Variants in ZNF254 observed in about 807,000 individuals in gnomAD.
ZNF254 encodes zinc finger protein 254.
ZNF254 carries 10 observed loss-of-function variants against 12.4 expected under a neutral mutation model. That is an observed-to-expected ratio of 0.80 (90% CI 0.50 to 1.36). The LOEUF (loss-of-function observed/expected upper bound fraction) is 1.36. Ranked by LOEUF, ZNF254 falls within the 40% of genes most tolerant of loss-of-function variation. The probability of loss-of-function intolerance (pLI) is 0.00; values close to 1 mark genes in which losing one functional copy is unlikely to be tolerated. For missense variants in ZNF254, 996 were observed against 763.9 expected, an observed-to-expected ratio of 1.30 and a Z score of -3.58; for synonymous variants, 305 against 253.4, an observed-to-expected ratio of 1.20 and a Z score of -1.93.
chr19:24,127,382 C>A lies in ZNF254; in HGVS notation c.1382C>A (p.Pro461His), dbSNP rs748646434. Residue 461 changes from proline (P) to histidine (H), a missense_variant, in exon 4 of 4, where the codon CCC becomes CAC. By Grantham distance (77) the Pro-to-His change is moderately conservative (BLOSUM62 -2). Coordinates refer to ENST00000357002, the MANE Select transcript of ZNF254 (RefSeq NM_203282.4). ...KHKRIHTREK[P>H]YKCEECGKAF... is the part of the protein sequence containing the mutation. ...AAGAGAATTCATACTAGAGAGAAACCCTACAAATGTGAAGAATGTGGCAAG... is the reference window on the plus strand; with the variant it reads ...AAGAGAATTCATACTAGAGAGAAACACTACAAATGTGAAGAATGTGGCAAG... 1 of 1,612,080 alleles carries A rather than the reference C, an allele frequency of 6.2e-7. No homozygotes were observed.
intron 3 of ZNF254, among the ~76,000 whole-genome samples, chr19:24,110,388 C>T (rs1973594220): frequency 6.6e-6 from 1 of 151,878 alleles, no homozygotes; most frequent in African/African-American, 2.4e-5. Flanking sequence ...TATGGAGACA[C>T]CCTCTCTACA....
At chr19:24,106,764 ATT>A in intron 3 of ZNF254, 121 bp downstream of exon 3, 1 of 853,836 alleles carries the variant, frequency 1.2e-6, no homozygotes, top group Non-Finnish European at 1.7e-6. Context: ...GGAAGCCTAA[ATT>A]TTTTTTTTAA....
intron 1 of ZNF254, among the ~76,000 whole-genome samples, chr19:24,045,477 G>A (rs1970343789): frequency 6.6e-6 from 1 of 152,002 alleles, no homozygotes; most frequent in Non-Finnish European, 1.5e-5. Flanking sequence ...AGATCATCCT[G>A]GCTAACATGG....
intron 1 of ZNF254, among the ~76,000 whole-genome samples, chr19:24,038,305 A>C (rs184560374): frequency 6.6e-6 from 1 of 152,282 alleles, no homozygotes; most frequent in East Asian, 1.9e-4. Context: ...TTTTCCTTTA[A>C]TTATAGCCAA....
intron 1 of ZNF254, among the ~76,000 whole-genome samples, chr19:24,090,232 G>A (rs1972291130): frequency 6.6e-6 from 1 of 151,820 alleles, no homozygotes; most frequent in South Asian, 2.1e-4. Context: ...ACTGACCCCA[G>A]TGAGATGGTG....
At chr19:24,053,423 T>C (rs1970721764) in intron 2 of ZNF254, among the ~76,000 whole-genome samples, 1 of 152,238 alleles carries the variant, frequency 6.6e-6, no homozygotes, top group African/African-American at 2.4e-5. Context: ...AGCACCTAAG[T>C]AATTTGACTC....
At chr19:24,054,491 C>CT (rs1409277941) in intron 2 of ZNF254, among the ~76,000 whole-genome samples, 2 of 152,192 alleles carry the variant, frequency 1.3e-5, no homozygotes, top group Admixed American at 1.3e-4. Flanking sequence ...TTGCCACACT[C>CT]TAACATATTG....
chr19:24,080,256 G>A (rs989079205), intron 2 of ZNF254: 2 of 152,224 alleles, frequency 1.3e-5, no homozygotes, highest in African/African-American at 4.8e-5. Flanking sequence ...CCTGGGTCTT[G>A]GGTTGAACAA....
chr19:24,108,894 G>A lies in ZNF254; in HGVS notation c.253+2251G>A, dbSNP rs1271993288. The stretch of plus-strand genomic sequence containing the variant: ...TATAGAGCCAGGCGCGGTGGCTCAC[G>A]CCTCTAATCCCTGCACTTTGGGAGG... On this transcript the variant is annotated intron_variant, in intron 3 of 3. Coordinates refer to ENST00000357002, the MANE Select transcript of ZNF254 (RefSeq NM_203282.4). Among the ~76,000 whole-genome samples the A allele has an allele frequency of 2.6e-5, 4 of 152,196 alleles. No homozygotes were observed. The East Asian group carries it at 7.7e-4, about 29-fold the overall frequency.
At chr19:24,041,771 G>C (rs1294672275) in intron 1 of ZNF254, among the ~76,000 whole-genome samples, 1 of 152,392 alleles carries the variant, frequency 6.6e-6, no homozygotes, top group East Asian at 1.9e-4. Context: ...GAAGCCAGCT[G>C]GGCTCCTGAG....
At chr19:24,038,720 A>G (rs929927963) in intron 1 of ZNF254, among the ~76,000 whole-genome samples, 7 of 152,178 alleles carry the variant, frequency 4.6e-5, no homozygotes, top group Non-Finnish European at 2.9e-5. Flanking sequence ...CACTGCCCTC[A>G]AAGTCTGCAG....
At chr19:24,094,759 G>A (rs1046268446) in intron 1 of ZNF254, among the ~76,000 whole-genome samples, 3 of 151,378 alleles carry the variant, frequency 2.0e-5, no homozygotes, top group African/African-American at 4.9e-5. Flanking sequence ...CAATCTCGGC[G>A]CTCTGCAGCC....
At chr19:24,099,405 G>A (rs547431320) in intron 1 of ZNF254, among the ~76,000 whole-genome samples, 1 of 152,234 alleles carries the variant, frequency 6.6e-6, no homozygotes, top group East Asian at 1.9e-4. Flanking sequence ...TGGGCTGTAT[G>A]TCAGTGGCAG....
intron 3 of ZNF254, among the ~76,000 whole-genome samples, chr19:24,114,248 G>A (rs1257934391): frequency 6.6e-6 from 1 of 151,820 alleles, no homozygotes; most frequent in African/African-American, 2.4e-5. Context: ...GAACAAAGCT[G>A]GAGGCATCAT....
At chr19:24,090,213 C>T (rs1225364192) in intron 1 of ZNF254, among the ~76,000 whole-genome samples, 1 of 151,598 alleles carries the variant, frequency 6.6e-6, no homozygotes, top group Non-Finnish European at 1.5e-5. Context: ...CAAAAACAAA[C>T]CGCAAAAAAC....
At position 24,041,499 on chromosome 19, in the gene ZNF254, T is replaced by C. The variant is rs374957256; in HGVS notation, c.-189-4685T>C. 1.3e-3 allele frequency among the ~76,000 whole-genome samples: 195 copies of C among 152,358 alleles called. 2 individuals carry two copies. Among genetic ancestry groups the C allele is most frequent in the East Asian group, 5.0e-3 (26 of 5,176 alleles). On this transcript the variant is annotated intron_variant, in intron 1 of 4. Coordinates refer to the ZNF254 transcript ENST00000613065. ...GGTGTACTGAGTCCCCCAGCAGTGC[T>C]GGCCCACCGGCGCTACGCTCGATTT...
chr19:24,114,839 A>AAG (rs773120548), intron 3 of ZNF254, among the ~76,000 whole-genome samples: 160 of 151,800 alleles, frequency 1.1e-3, no homozygotes, highest in Non-Finnish European at 2.1e-3. Flanking sequence ...CAAGAAAAAA[A>AAG]CAACCCCATC....
chr19:24,116,747 G>A (rs532638551), intron 3 of ZNF254, among the ~76,000 whole-genome samples: 6 of 152,294 alleles, frequency 3.9e-5, no homozygotes, highest in South Asian at 4.1e-4. Flanking sequence ...GAGGAACTGC[G>A]TTCCTTTGGA....
At chr19:24,066,435 A>G (rs1024023574) in intron 2 of ZNF254, 5 of 152,110 alleles carry the variant, frequency 3.3e-5, no homozygotes, top group African/African-American at 1.2e-4. Flanking sequence ...CCCTGCACTG[A>G]TAATTTGTGA....
Sources: allele counts gnomAD v4.1 joint callset (sites outside exome capture counted in the v4.1 genomes callset), GRCh38; gene constraint gnomAD v4.1.1; transcripts MANE v1.5; gene names NCBI Gene and HGNC (gene_info 2026-07-23, HGNC 2026-07-21).